SCML4: variants seen among roughly 807,000 people sequenced by gnomAD.
SCML4 encodes the protein sex comb on midleg-like protein 4.
SCML4 carries 34 observed loss-of-function variants against 41.1 expected under a neutral mutation model. That is an observed-to-expected ratio of 0.83 (90% confidence interval 0.63 to 1.10). The LOEUF is 1.10. SCML4 is among the 50% of genes least tolerant of loss of function. The probability of loss-of-function intolerance (pLI) is 0.00; values close to 1 mark genes in which losing one functional copy is unlikely to be tolerated. For synonymous variants in SCML4, 214 were observed against 220.9 expected (o/e 0.97, Z 0.28); for missense variants, 522 against 534.1 (o/e 0.98, Z 0.22).
chr6:107,806,195 C>CCG (rs1554223505), intron 1 of SCML4, among the ~76,000 whole-genome samples: 10,157 of 151,240 alleles, frequency 0.067, 388 homozygotes, highest in Middle Eastern at 0.12. Flanking sequence ...TTCCCCCCCC[C>CCG]CAATAAACAA....
the SCML4 span, among the ~76,000 whole-genome samples, chr6:107,837,790 C>T: frequency 7.2e-5 from 11 of 152,276 alleles, no homozygotes; most frequent in African/African-American, 2.6e-4. Context: ...GATTAAATTA[C>T]CCCTCCAGTT....
At chr6:107,786,327 C>A (rs1241714402) in intron 1 of SCML4, among the ~76,000 whole-genome samples, 1 of 152,148 alleles carries the variant, frequency 6.6e-6, no homozygotes, top group Non-Finnish European at 1.5e-5. Flanking sequence ...CAGTTTCTGC[C>A]TGAAATGTGA....
At chr6:107,773,230 G>T (rs1006397622) in intron 1 of SCML4, among the ~76,000 whole-genome samples, 4 of 152,154 alleles carry the variant, frequency 2.6e-5, no homozygotes, top group African/African-American at 7.2e-5. Context: ...TGTTCAGCAT[G>T]TACAATCCTT....
At position 107,806,202 on chromosome 6, in the gene SCML4, AC is replaced by A. The variant is rs1157625489; in HGVS notation, c.-60+17923del. On this transcript the variant is annotated intron_variant, in intron 1 of 7. Coordinates refer to ENST00000369020, the MANE Select transcript of SCML4 (RefSeq NM_198081.5). Reference sequence around the variant, plus strand: ...ACAGAGATTTCCCCCCCCCCAATAAACAATGAGCAAGGGCTCAGCCTGACAA... The same window carrying A: ...ACAGAGATTTCCCCCCCCCCAATAAAAATGAGCAAGGGCTCAGCCTGACAA... Among the ~76,000 whole-genome samples, 3 of 150,766 alleles carry A rather than the reference AC, an allele frequency of 2.0e-5. No individual in the cohort carries two copies. In the South Asian group the frequency reaches 6.3e-4, roughly 32 times the overall value.
chr6:107,834,260 C>A, the SCML4 span, among the ~76,000 whole-genome samples: 4 of 152,154 alleles, frequency 2.6e-5, no homozygotes, highest in Non-Finnish European at 4.4e-5. Flanking sequence ...CCTCCCCAAC[C>A]CTGTGCTGCT....
At chr6:107,719,440 T>A (rs3844150) in intron 6 of SCML4, 77,520 of 152,090 alleles carry the variant, frequency 0.51, 22,521 homozygotes, top group Middle Eastern at 0.71. Context: ...GGTGGAAGGA[T>A]CCTAGGCTCA....
At chr6:107,725,810 G>A (rs1046546380) in intron 5 of SCML4, among the ~76,000 whole-genome samples, 6 of 152,170 alleles carry the variant, frequency 3.9e-5, no homozygotes, top group Admixed American at 1.3e-4. Context: ...CACTGGGCAC[G>A]GTGGCTCATG....
the SCML4 span, among the ~76,000 whole-genome samples, chr6:107,830,389 C>T: frequency 2.5e-4 from 38 of 152,264 alleles, no homozygotes; most frequent in African/African-American, 8.4e-4. Flanking sequence ...TTGGTGGAAG[C>T]ACAGCCCAGA....
intron 1 of SCML4, among the ~76,000 whole-genome samples, chr6:107,797,134 A>T (rs905184092): frequency 6.6e-6 from 1 of 152,038 alleles, no homozygotes; most frequent in African/African-American, 2.4e-5. Flanking sequence ...CTTTTTCAAG[A>T]TTGTTTTGTA....
At chr6:107,820,451 G>A (rs957942750) in intron 1 of SCML4, among the ~76,000 whole-genome samples, 26 of 152,200 alleles carry the variant, frequency 1.7e-4, no homozygotes, top group African/African-American at 5.8e-4. Flanking sequence ...GCTCTGCAAT[G>A]CTGAATGCTC....
Position 107,772,288 on chromosome 6 carries a change from G to A in SCML4, c.40C>T (p.Pro14Ser). The change falls in exon 2 of 8, where the codon CCC becomes TCC. Residue 14 changes from proline (P) to serine (S), a missense_variant. Coordinates refer to ENST00000369020, the MANE Select transcript of SCML4 (RefSeq NM_198081.5). ...QRIPGRKRGR[P>S]SLHSTPMKMA... is the part of the protein sequence containing the mutation. ...TTCATAGGCGTGGAGTGAAGTGAGG[G>A]TCGGCCTCGCTTTCTCCCCGGGATC... 6.4e-7 allele frequency: 1 copy of A among 1,551,676 alleles called. No individual in the cohort carries two copies. Among genetic ancestry groups the A allele is most frequent in the Non-Finnish European group, 8.7e-7 (1 of 1,146,942 alleles).
chr6:107,766,871 A>G (rs1358714325), intron 2 of SCML4, among the ~76,000 whole-genome samples: 1 of 152,112 alleles, frequency 6.6e-6, no homozygotes, highest in African/African-American at 2.4e-5. Flanking sequence ...CATACCTACC[A>G]TCAGCAAGAG....
chr6:107,790,662 C>T (rs1324456202), intron 1 of SCML4, among the ~76,000 whole-genome samples: 1 of 152,090 alleles, frequency 6.6e-6, no homozygotes, highest in Non-Finnish European at 1.5e-5. Context: ...CCTGAAGATA[C>T]AAAGGGATGT....
At chr6:107,744,512 C>G (rs1179865623) in intron 5 of SCML4, among the ~76,000 whole-genome samples, 1 of 152,180 alleles carries the variant, frequency 6.6e-6, no homozygotes, top group Non-Finnish European at 1.5e-5. Context: ...GTCTGAGACT[C>G]CCAGGCAGGA....
chr6:107,741,586 G>A (rs1346572245), intron 5 of SCML4, among the ~76,000 whole-genome samples: 2 of 152,248 alleles, frequency 1.3e-5, no homozygotes, highest in African/African-American at 4.8e-5. Flanking sequence ...CAGTGTGGCT[G>A]TTACGCAGTA....
intron 1 of SCML4, among the ~76,000 whole-genome samples, chr6:107,778,246 TATATATATATATATATATAACTTGAGA>T (rs1562249053): frequency 1.8e-5 from 1 of 54,634 alleles, no homozygotes; most frequent in Non-Finnish European, 4.0e-5. Context: ...TATATATATA[TATATATATATATATATATAACTTGAGA>T]ATGCCCAGGA....
At chr6:107,812,908 C>CAT (rs1784267878) in intron 1 of SCML4, among the ~76,000 whole-genome samples, 2 of 151,658 alleles carry the variant, frequency 1.3e-5, no homozygotes, top group African/African-American at 4.8e-5. Context: ...CACACACACA[C>CAT]ACACACATAC....
rs527344373 is a variant in SCML4, at chr6:107,704,160, A to C, written c.*1040T>G. 6.6e-6 allele frequency: 1 copy of C among 152,364 alleles called. No homozygotes were observed. The highest frequency in any genetic ancestry group is 1.9e-4 in the East Asian group (1 of 5,188). 9.4% of individuals were successfully genotyped at this position (152,364 alleles called of 1,614,324 possible). On this transcript the variant is annotated 3_prime_UTR_variant, in exon 8 of 8. Transcript: ENST00000369020. ...AGAAAAATTAGCCACAGATACAACT[A>C]CATAACCCAGCAATGTAACTAGAAA...
chr6:107,784,518 T>G (rs1221347136), intron 1 of SCML4, among the ~76,000 whole-genome samples: 1 of 152,240 alleles, frequency 6.6e-6, no homozygotes, highest in Non-Finnish European at 1.5e-5. Context: ...AAGATACCAC[T>G]GGAAGCATTT....
Sources: gnomAD v4.1 joint callset for allele counts (sites outside exome capture counted in the v4.1 genomes callset) on GRCh38, gnomAD v4.1.1 for gene constraint, MANE v1.5 for transcripts, NCBI Gene and HGNC (gene_info 2026-07-23, HGNC 2026-07-21) for gene names.